The following ANKRD30B variants were observed in gnomAD, a reference collection of about 807,000 sequenced individuals.
ANKRD30B encodes the protein ankyrin repeat domain-containing protein 30B.
A neutral mutation model predicts 202.2 loss-of-function variants in ANKRD30B; 144 were observed. That is an observed-to-expected ratio of 0.71 (90% confidence interval 0.62 to 0.82). ANKRD30B has a LOEUF of 0.82. Ranked by LOEUF, ANKRD30B falls within the 40% of genes least tolerant of loss-of-function variation. ANKRD30B has a pLI of 0.00. For synonymous variants in ANKRD30B, 508 were observed against 561.3 expected (o/e 0.91, Z 1.34); for missense variants, 1,487 against 1,669.1 (o/e 0.89, Z 1.90).
chr18:14,831,264 C>A (rs2143089299), intron 33 of ANKRD30B, 119 bp from the exon 34 acceptor site: 4 of 545,250 alleles, frequency 7.3e-6, no homozygotes, highest in East Asian at 3.9e-5. Context: ...GAGGACTGAT[C>A]TTTCCCCAGA....
chr18:14,838,179 G>A (rs988471143), intron 36 of ANKRD30B, among the ~76,000 whole-genome samples: 5 of 152,214 alleles, frequency 3.3e-5, no homozygotes, highest in Non-Finnish European at 4.4e-5. Flanking sequence ...AGGCTTAGAA[G>A]GCATTAGGAA....
At chr18:14,764,932 A>G (rs1198723455) in intron 7 of ANKRD30B, among the ~76,000 whole-genome samples, 2 of 152,156 alleles carry the variant, frequency 1.3e-5, no homozygotes, top group African/African-American at 2.4e-5. Context: ...AATGATTTCT[A>G]TTTTTGAGAT....
chr18:14,936,883 C>G, the ANKRD30B span, among the ~76,000 whole-genome samples: 2 of 152,186 alleles, frequency 1.3e-5, no homozygotes, highest in African/African-American at 2.4e-5. Context: ...TTCACAGAGG[C>G]TGGCTGGAAA....
At chr18:14,826,691 T>TCACACACA (rs767398948) in intron 32 of ANKRD30B, among the ~76,000 whole-genome samples, 13,973 of 83,048 alleles carry the variant, frequency 0.17, 804 homozygotes, top group Non-Finnish European at 0.22. Flanking sequence ...TCTCTCTCTC[T>TCACACACA]CTCACACACA....
chr18:14,760,410 A>G, intron 5 of ANKRD30B, 144 bp from the exon 6 acceptor site: 5 of 524,262 alleles, frequency 9.5e-6, no homozygotes, highest in South Asian at 5.0e-5. Context: ...CATAGAGCTT[A>G]CAAACTTAAA....
the ANKRD30B span, among the ~76,000 whole-genome samples, chr18:14,929,708 C>T: frequency 4.6e-5 from 7 of 152,158 alleles, no homozygotes; most frequent in East Asian, 1.9e-4. Context: ...TTGACTATGA[C>T]GGGCAAAGTT....
the ANKRD30B span, among the ~76,000 whole-genome samples, chr18:14,866,283 C>A: frequency 1.3e-5 from 2 of 152,142 alleles, no homozygotes; most frequent in Non-Finnish European, 2.9e-5. Flanking sequence ...GCTCGTCTCA[C>A]TCTAGATGGT....
the ANKRD30B span, among the ~76,000 whole-genome samples, chr18:14,908,886 G>A: frequency 6.6e-6 from 1 of 152,174 alleles, no homozygotes; most frequent in Non-Finnish European, 1.5e-5. Flanking sequence ...GCATTTCAAT[G>A]ACGTCCTTGA....
intron 4 of ANKRD30B, among the ~76,000 whole-genome samples, chr18:14,756,594 T>G (rs915537897): frequency 3.2e-4 from 48 of 152,214 alleles, no homozygotes; most frequent in Non-Finnish European, 2.9e-5. Context: ...TTATACACTT[T>G]TTAAAAAATG....
chr18:14,826,237 AGGACTT>A (rs1418409797), intron 32 of ANKRD30B, among the ~76,000 whole-genome samples: 1 of 152,246 alleles, frequency 6.6e-6, no homozygotes, highest in Non-Finnish European at 1.5e-5. Context: ...ACAGAGTCAC[AGGACTT>A]GGTAAAGGAG....
chr18:14,770,329 G>A (rs1966911040), intron 8 of ANKRD30B, among the ~76,000 whole-genome samples: 1 of 152,096 alleles, frequency 6.6e-6, no homozygotes, highest in Admixed American at 6.6e-5. Context: ...TAATATCCTG[G>A]AAAAATGGTT....
chr18:14,855,927 A>G (rs1972092858), downstream of ANKRD30B, among the ~76,000 whole-genome samples: 1 of 149,752 alleles, frequency 6.7e-6, no homozygotes, highest in South Asian at 2.1e-4. Flanking sequence ...CACCTCCCAG[A>G]TGAGGCGGCC....
chr18:14,935,119 A>T, the ANKRD30B span, among the ~76,000 whole-genome samples: 1 of 152,192 alleles, frequency 6.6e-6, no homozygotes, highest in Non-Finnish European at 1.5e-5. Context: ...TGAGCATTAT[A>T]GCATGCTAGT....
chr18:14,784,769 G>A lies in ANKRD30B; in HGVS notation c.1672+234G>A, dbSNP rs543940934. Among the ~76,000 whole-genome samples, 4 of 152,084 alleles carry A rather than the reference G, an allele frequency of 2.6e-5. No individual in the cohort carries two copies. The South Asian group carries it at 6.2e-4, about 24-fold the overall frequency. On this transcript the variant is annotated intron_variant, in intron 14 of 43. Transcript: ENST00000690538. ...TCAGGTGTTTCTACTTTTGTATCCC[G>A]AAACTGTAATGTTTTCTATTTTGAA...
At chr18:14,764,168 G>C in intron 7 of ANKRD30B, 78 bp downstream of exon 7, 1 of 1,385,824 alleles carries the variant, frequency 7.2e-7, no homozygotes, top group Non-Finnish European at 9.6e-7. Context: ...TATGGGAGTT[G>C]TTGGGAATGT....
At chr18:14,796,714 C>A (rs11877606) in intron 18 of ANKRD30B, among the ~76,000 whole-genome samples, 20 of 149,872 alleles carry the variant, frequency 1.3e-4, no homozygotes, top group African/African-American at 4.9e-4. Flanking sequence ...TAGACACAGA[C>A]AAGATAGTGA....
intron 30 of ANKRD30B, among the ~76,000 whole-genome samples, chr18:14,821,370 C>T (rs1970413184): frequency 6.6e-6 from 1 of 151,990 alleles, no homozygotes; most frequent in Non-Finnish European, 1.5e-5. Flanking sequence ...TCCTTCAGTT[C>T]TGCTCTGATT....
chr18:14,904,831 C>T, the ANKRD30B span, among the ~76,000 whole-genome samples: 1 of 152,114 alleles, frequency 6.6e-6, no homozygotes, highest in African/African-American at 2.4e-5. Flanking sequence ...GTGTCAGAGG[C>T]TTTTGAATCA....
intron 12 of ANKRD30B, among the ~76,000 whole-genome samples, chr18:14,782,936 C>G (rs979082770): frequency 2.0e-5 from 3 of 152,032 alleles, no homozygotes; most frequent in African/African-American, 7.2e-5. Context: ...CATGAAGGAA[C>G]AAGAAGCAGG....
Sources: gnomAD v4.1 joint callset for allele counts (sites outside exome capture counted in the v4.1 genomes callset) on GRCh38, gnomAD v4.1.1 for gene constraint, MANE v1.5 for transcripts, NCBI Gene and HGNC (gene_info 2026-07-23, HGNC 2026-07-21) for gene names.